ERBB3: variants seen among roughly 807,000 people sequenced by gnomAD.
ERBB3 encodes the protein receptor tyrosine-protein kinase erbB-3.
In ERBB3, 96 loss-of-function variants were observed where a neutral mutation model predicts 156.7. That is an observed-to-expected ratio of 0.61 (90% CI 0.52 to 0.73). The LOEUF (loss-of-function observed/expected upper bound fraction) is 0.73. Ranked by LOEUF, ERBB3 falls within the 30% of genes least tolerant of loss-of-function variation. ERBB3 has a pLI of 0.00. For synonymous variants in ERBB3, 567 were observed against 632.0 expected (o/e 0.90, Z 1.54); for missense variants, 1,406 against 1,709.4 (o/e 0.82, Z 3.13).
intron 2 of ERBB3, 132 bp downstream of exon 2, chr12:56,084,034 C>T (rs1293417651): frequency 1.5e-5 from 14 of 926,808 alleles, no homozygotes; most frequent in East Asian, 5.0e-5. Flanking sequence ...GATTCAAAAC[C>T]GTGTATTTAT....
At position 56,094,128 on chromosome 12, in the gene ERBB3, A is replaced by G. The variant is rs1009963510; in HGVS notation, c.1643A>G (p.Glu548Gly). Residue 548 changes from glutamate to glycine, a missense_variant, in exon 14 of 28, where the codon GAA becomes GGA. Coordinates refer to ENST00000267101, the MANE Select transcript of ERBB3 (RefSeq NM_001982.4). Reference sequence around the variant, plus strand: ...CCTCGAGAATTTGCCCATGAGGCCGAATGCTTCTCCTGCCACCCGGAATGC... The same window carrying G: ...CCTCGAGAATTTGCCCATGAGGCCGGATGCTTCTCCTGCCACCCGGAATGC... Reference protein sequence around the residue: ...GEPREFAHEAECFSCHPECQP... With the variant: ...GEPREFAHEAGCFSCHPECQP... 1.9e-6 allele frequency: 3 copies of G among 1,613,840 alleles called. No homozygotes were observed. The African/African-American group carries it at 4.0e-5, about 22-fold the overall frequency.
In ERBB3 at chr12:56,101,842, T is replaced by TGGGGGTGATTATGCAGCCATGG; in HGVS notation, c.3820_3841dup (p.Ala1281GlyfsTer2). Reference sequence around the variant, plus strand: ...ATCGGCAACGAGATGGAGGTGGTCCTGGGGGTGATTATGCAGCCATGGGGG... The same window carrying TGGGGGTGATTATGCAGCCATGG: ...ATCGGCAACGAGATGGAGGTGGTCCTGGGGGTGATTATGCAGCCATGGGGGGGTGATTATGCAGCCATGGGGG... On this transcript the variant is annotated frameshift_variant, in exon 28 of 28. Coordinates refer to ENST00000267101, the MANE Select transcript of ERBB3 (RefSeq NM_001982.4). LOFTEE classifies it high-confidence loss of function. The TGGGGGTGATTATGCAGCCATGG allele has an allele frequency of 1.9e-6, 3 of 1,612,514 alleles. No individual in the cohort carries two copies. The highest frequency in any genetic ancestry group is 2.5e-6 in the Non-Finnish European group (3 of 1,179,700).
Position 56,097,592 on chromosome 12 carries a change from G to C in ERBB3, c.2461-193G>C, listed in dbSNP as rs750836915. ...GAATCTAACTAATGCCTGATGATCT[G>C]AGGTGGAAAAATTTCATCCCAAAAC... is the stretch of plus-strand genomic sequence containing the variant. On this transcript the variant is annotated intron_variant, in intron 20 of 27. Coordinates refer to ENST00000267101, the MANE Select transcript of ERBB3 (RefSeq NM_001982.4). Among the ~76,000 whole-genome samples, 2 of 152,094 alleles carry C rather than the reference G, an allele frequency of 1.3e-5. No individual in the cohort carries two copies. The highest frequency in any genetic ancestry group is 2.9e-5 in the Non-Finnish European group (2 of 68,018).
chr12:56,101,568 G>A lies in ERBB3; in HGVS notation c.3542G>A (p.Gly1181Asp), dbSNP rs1372010362. ...CGGGAAGGCACCCTTTCTTCAGTGGGTCTCAGTTCTGTCCTGGGTACTGAA... is the reference window on the plus strand; with the variant it reads ...CGGGAAGGCACCCTTTCTTCAGTGGATCTCAGTTCTGTCCTGGGTACTGAA... ...SSREGTLSSV[G>D]LSSVLGTEEE... Residue 1181 changes from glycine (G) to aspartate (D), a missense_variant, in exon 28 of 28, where the codon GGT becomes GAT. By Grantham distance (94) the Gly-to-Asp change is moderately conservative (BLOSUM62 -1). Coordinates refer to ENST00000267101, the MANE Select transcript of ERBB3 (RefSeq NM_001982.4). 6.2e-7 allele frequency: 1 copy of A among 1,614,030 alleles called. No individual in the cohort carries two copies. Among genetic ancestry groups the A allele is most frequent in the African/African-American group, 1.3e-5 (1 of 74,992 alleles).
chr12:56,098,989 T>C (rs2136823570), intron 23 of ERBB3, 84 bp downstream of exon 23: 2 of 1,337,126 alleles, frequency 1.5e-6, no homozygotes, highest in Non-Finnish European at 2.1e-6. Context: ...AGTCTCACAA[T>C]TGTCACCCAG....
chr12:56,080,280 C>T lies in ERBB3; in HGVS notation c.-21C>T, dbSNP rs759686993. 1.7e-5 allele frequency: 26 copies of T among 1,551,970 alleles called. No homozygotes were observed. The Middle Eastern group carries it at 5.0e-4, about 30-fold the overall frequency. ...CCCCCGGGCCGGACTTGGCTGGGCTCCCTTCACCCTCTGCGGAGTCATGAG... is the reference window on the plus strand; with the variant it reads ...CCCCCGGGCCGGACTTGGCTGGGCTTCCTTCACCCTCTGCGGAGTCATGAG... On this transcript the variant is annotated 5_prime_UTR_variant, in exon 1 of 28. Coordinates refer to ENST00000267101, the MANE Select transcript of ERBB3 (RefSeq NM_001982.4).
At chr12:56,097,281 C>A in intron 20 of ERBB3, 51 bp downstream of exon 20, 1 of 1,573,982 alleles carries the variant, frequency 6.4e-7, no homozygotes, top group South Asian at 1.1e-5. Flanking sequence ...GTCTGGGGGC[C>A]AGCCAGGAAA....
intron 16 of ERBB3, 129 bp downstream of exon 16, chr12:56,095,439 A>T: frequency 4.4e-6 from 4 of 907,278 alleles, no homozygotes; most frequent in Non-Finnish European, 7.2e-6. Flanking sequence ...ATCACTGGAC[A>T]CTTGGGACTC....
intron 3 of ERBB3, 118 bp downstream of exon 3, chr12:56,085,299 TGG>T: frequency 6.3e-7 from 1 of 1,587,396 alleles, no homozygotes; most frequent in Non-Finnish European, 8.6e-7. Context: ...CCTGTCACCT[TGG>T]CCGCTGTCTA....
Position 56,101,928 on chromosome 12 carries a change from A to G in ERBB3, c.3902A>G (p.Gln1301Arg), listed in dbSNP as rs1041694219. ...AGAGCTTTTCAGGGGCCTGGACATCAGGCCCCCCATGTCCATTATGCCCGC... is the reference window on the plus strand; with the variant it reads ...AGAGCTTTTCAGGGGCCTGGACATCGGGCCCCCCATGTCCATTATGCCCGC... ...EMRAFQGPGH[Q>R]APHVHYARLK... The change falls in exon 28 of 28, where the codon CAG (glutamine) becomes CGG (arginine). Residue 1301 changes from glutamine to arginine, a missense_variant. By Grantham distance (43) the Gln-to-Arg change is conservative. Around this residue, in one of 3 missense-constraint regions of ERBB3, gnomAD observed 415 missense variants for 454.1 expected, o/e 0.91. Transcript: ENST00000267101. The G allele has an allele frequency of 6.2e-7, 1 of 1,613,048 alleles. No homozygotes were observed. The highest frequency in any genetic ancestry group is 1.3e-5 in the African/African-American group (1 of 74,658).
rs1003704526 is a variant in ERBB3, at chr12:56,086,521, C to T, written c.422-10C>T. 1.2e-6 allele frequency: 2 copies of T among 1,614,042 alleles called. No individual in the cohort carries two copies. Among genetic ancestry groups the T allele is most frequent in the Non-Finnish European group, 1.7e-6 (2 of 1,179,990 alleles). On this transcript the variant is annotated splice_polypyrimidine_tract_variant and intron_variant, in intron 3 of 27. Transcript: ENST00000267101. Reference sequence around the variant, plus strand: ...GGCCCTTAACCCTGTCACTTCTTTCCCTACCTCAGAGATTCTGTCAGGGGG... The same window carrying T: ...GGCCCTTAACCCTGTCACTTCTTTCTCTACCTCAGAGATTCTGTCAGGGGG...
chr12:56,090,672 T>C (rs555018899), intron 9 of ERBB3, among the ~76,000 whole-genome samples: 1 of 151,700 alleles, frequency 6.6e-6, no homozygotes, highest in Non-Finnish European at 1.5e-5. Flanking sequence ...ATACGCTTTA[T>C]CACTTCTCTC....
intron 1 of ERBB3, 36 bp downstream of exon 1, chr12:56,080,418 T>G: frequency 6.6e-7 from 1 of 1,516,142 alleles, no homozygotes; most frequent in Non-Finnish European, 9.0e-7. Flanking sequence ...GCTCGGCACC[T>G]GGGAGCCGGA....
intron 23 of ERBB3, 96 bp downstream of exon 23, chr12:56,099,001 C>A (rs2136823634): frequency 8.4e-7 from 1 of 1,191,010 alleles, no homozygotes; most frequent in Non-Finnish European, 1.2e-6. Context: ...GTCACCCAGG[C>A]TGGAGTGCAA....
intron 27 of ERBB3, 30 bp downstream of exon 27, chr12:56,101,391 A>G (rs774283255): frequency 2.5e-6 from 4 of 1,610,968 alleles, no homozygotes; most frequent in Admixed American, 1.7e-5. Flanking sequence ...GCTTTCCTCA[A>G]TTTTTCCTCG....
At chr12:56,094,063 G>T (rs1309546548) in intron 13 of ERBB3, 36 bp from the exon 14 acceptor site, 1 of 1,592,432 alleles carries the variant, frequency 6.3e-7, no homozygotes, top group South Asian at 1.1e-5. Flanking sequence ...TCAGGACTTG[G>T]AAGTGACCCC....
chr12:56,087,728 G>T lies in ERBB3; in HGVS notation c.614-67G>T. The T allele has an allele frequency of 2.5e-6, 4 of 1,582,998 alleles. No individual in the cohort carries two copies. In the Admixed American group the frequency reaches 6.7e-5, roughly 26 times the overall value. On this transcript the variant is annotated intron_variant, in intron 5 of 27. Coordinates refer to ENST00000267101, the MANE Select transcript of ERBB3 (RefSeq NM_001982.4). Reference sequence around the variant, plus strand: ...AGCCTGGGTCAACACTGTGGGGGAGGCATGAGCAGTGGCCTCAGAATTCAG... The same window carrying T: ...AGCCTGGGTCAACACTGTGGGGGAGTCATGAGCAGTGGCCTCAGAATTCAG...
intron 11 of ERBB3, 26 bp from the exon 12 acceptor site, chr12:56,093,319 C>T: frequency 6.3e-7 from 1 of 1,592,434 alleles, no homozygotes; most frequent in Non-Finnish European, 8.6e-7. Flanking sequence ...GTAGTCTCTC[C>T]TCTCATCCTG....
chr12:56,098,236 C>G (rs1592231148), intron 21 of ERBB3: 3 of 499,950 alleles, frequency 6.0e-6, no homozygotes, highest in East Asian at 3.3e-5. Context: ...AACCCCGTCT[C>G]TACTAAATAT....
Sources: allele counts gnomAD v4.1 joint callset (sites outside exome capture counted in the v4.1 genomes callset), GRCh38; gene constraint gnomAD v4.1.1; regional missense constraint gnomAD v4.1.1; transcripts MANE v1.5; gene names NCBI Gene and HGNC (gene_info 2026-07-23, HGNC 2026-07-21).